The following FHL2 variants were observed in gnomAD, a reference collection of about 807,000 sequenced individuals.
FHL2 encodes the protein four and a half LIM domains 2.
In FHL2, 20 loss-of-function variants were observed where a neutral mutation model predicts 32.7. The observed-to-expected ratio is 0.61, with a 90% confidence interval of 0.43 to 0.89. The LOEUF is 0.89. Ranked by LOEUF, FHL2 falls within the 40% of genes least tolerant of loss-of-function variation. The pLI is 0.00. For synonymous variants in FHL2, 123 were observed against 128.1 expected, an observed-to-expected ratio of 0.96 and a Z score of 0.27; for missense variants, 311 against 358.6, an observed-to-expected ratio of 0.87 and a Z score of 1.07.
chr2:105,404,330 GAGTA>G (rs1377990127), intron 1 of FHL2, among the ~76,000 whole-genome samples: 1 of 152,300 alleles, frequency 6.6e-6, no homozygotes, highest in South Asian at 2.1e-4. Context: ...GTTGGAAGGT[GAGTA>G]AGTGTCTAAG....
At chr2:105,432,304 CT>C (rs1466054080) in intron 1 of FHL2, among the ~76,000 whole-genome samples, 17 of 152,220 alleles carry the variant, frequency 1.1e-4, no homozygotes, top group African/African-American at 3.9e-4. Flanking sequence ...GTCTCATGCA[CT>C]TTCCACATCT....
At chr2:105,388,294 A>C (rs1193411832) in intron 2 of FHL2, among the ~76,000 whole-genome samples, 1 of 152,168 alleles carries the variant, frequency 6.6e-6, no homozygotes, top group Non-Finnish European at 1.5e-5. Flanking sequence ...CATGCCCGGC[A>C]CACTGCATTT....
At chr2:105,420,008 T>C (rs1242991816) in intron 1 of FHL2, among the ~76,000 whole-genome samples, 2 of 152,132 alleles carry the variant, frequency 1.3e-5, no homozygotes. Context: ...AGAGGAGAAG[T>C]GACTGCTTGG....
intron 1 of FHL2, among the ~76,000 whole-genome samples, chr2:105,422,537 A>G (rs1485327725): frequency 3.3e-5 from 5 of 151,986 alleles, no homozygotes; most frequent in Admixed American, 6.6e-5. Flanking sequence ...ATAAGACATG[A>G]TCTACAAACT....
chr2:105,435,799 G>A (rs1309324743), intron 1 of FHL2, among the ~76,000 whole-genome samples: 2 of 152,178 alleles, frequency 1.3e-5, no homozygotes, highest in African/African-American at 4.8e-5. Context: ...TCCAGCCTGG[G>A]TGACAGAGTG....
At chr2:105,420,951 G>A (rs1039217828) in intron 1 of FHL2, among the ~76,000 whole-genome samples, 2 of 152,176 alleles carry the variant, frequency 1.3e-5, no homozygotes, top group African/African-American at 4.8e-5. Flanking sequence ...ATGGCCTGGG[G>A]ACTGGGGACC....
chr2:105,367,775 T>C (rs921040981), intron 4 of FHL2, 36 bp from the exon 5 acceptor site: 16 of 1,593,928 alleles, frequency 1.0e-5, no homozygotes, highest in Non-Finnish European at 1.3e-5. Context: ...AGCAGAGTTA[T>C]GGTTAGAGGG....
At position 105,386,445 on chromosome 2, in the gene FHL2, C is replaced by T. The variant is rs781170250; in HGVS notation, c.72G>A (p.Glu24=). Residue 24 remains glutamate, a synonymous_variant, in exon 3 of 7, where the codon GAG becomes GAA. Coordinates refer to ENST00000530340, the MANE Select transcript of FHL2 (RefSeq NM_001318895.3). The part of the protein sequence containing the change: ...LFGKKYILRE[E]SPYCVVCFET... Reference sequence around the variant, plus strand: ...CAAAGCACACCACGCAGTAGGGGCTCTCCTCCCGCAGGATGTACTTCTTGC... The same window carrying T: ...CAAAGCACACCACGCAGTAGGGGCTTTCCTCCCGCAGGATGTACTTCTTGC... 6.2e-7 allele frequency: 1 copy of T among 1,614,248 alleles called. No homozygotes were observed. The highest frequency in any genetic ancestry group is 1.3e-5 in the African/African-American group (1 of 75,070).
rs773356788 is a variant in FHL2, at chr2:105,367,697, G to T, written c.374C>A (p.Thr125Asn). ...CTGGCAGCGGTGGCAGATGAAGCAGGTCTCATGCCAGCTGCTGCCCTTGTA... is the reference window on the plus strand; with the variant it reads ...CTGGCAGCGGTGGCAGATGAAGCAGTTCTCATGCCAGCTGCTGCCCTTGTA... ...MEYKGSSWHE[T>N]CFICHRCQQP... Residue 125 changes from threonine (T) to asparagine (N), a missense_variant, in exon 5 of 7, where the codon ACC (threonine) becomes AAC (asparagine). By Grantham distance (65) the Thr-to-Asn change is moderately conservative. Transcript: ENST00000530340. The T allele has an allele frequency of 9.3e-6, 15 of 1,614,064 alleles. No homozygotes were observed. In the African/African-American group the frequency reaches 1.2e-4, roughly 13 times the overall value.
At chr2:105,386,756 CT>C (rs11380471) in intron 2 of FHL2, among the ~76,000 whole-genome samples, 52 of 48,962 alleles carry the variant, frequency 1.1e-3, no homozygotes, top group Admixed American at 2.1e-3. Flanking sequence ...ATGCATTCCA[CT>C]TTTTTTTTTT....
intron 1 of FHL2, among the ~76,000 whole-genome samples, chr2:105,427,404 T>G (rs924230885): frequency 6.6e-6 from 1 of 152,230 alleles, no homozygotes; most frequent in Non-Finnish European, 1.5e-5. Flanking sequence ...ACCCGGAGCT[T>G]GAAACACTTC....
At chr2:105,361,831 GT>G (rs1454990930) in intron 6 of FHL2, among the ~76,000 whole-genome samples, 1 of 152,172 alleles carries the variant, frequency 6.6e-6, no homozygotes, top group Non-Finnish European at 1.5e-5. Flanking sequence ...TGAAGGGAGT[GT>G]AGAAGAGGAA....
At chr2:105,363,544 TG>T in intron 5 of FHL2, 73 bp from the exon 6 acceptor site, 2 of 1,372,016 alleles carry the variant, frequency 1.5e-6, no homozygotes, top group South Asian at 2.8e-5. Flanking sequence ...CTACTGCCAC[TG>T]GACGATGCAA....
Position 105,435,167 on chromosome 2 carries a change from C to T in FHL2, c.-25+3232G>A, listed in dbSNP as rs188873071. 4.0e-4 allele frequency among the ~76,000 whole-genome samples: 60 copies of T among 151,706 alleles called. 1 individual carries two copies. The East Asian group carries it at 0.011, about 28-fold the overall frequency. On this transcript the variant is annotated intron_variant, in intron 1 of 5. Transcript: ENST00000393352. Reference sequence around the variant, plus strand: ...AGTTTTAAAAATCAAAAGTTCTATGCAAACTTTATTTTTGATGGTTGCATA... The same window carrying T: ...AGTTTTAAAAATCAAAAGTTCTATGTAAACTTTATTTTTGATGGTTGCATA...
At chr2:105,402,209 ATGTATATATATGTG>A (rs1459749169), upstream of FHL2, among the ~76,000 whole-genome samples, 159 of 149,196 alleles carry the variant, frequency 1.1e-3, no homozygotes, top group African/African-American at 3.9e-3. Context: ...ATGTGTATAT[ATGTATATATATGTG>A]TGTATATATA....
chr2:105,363,461 G>A lies in FHL2; in HGVS notation c.512C>T (p.Thr171Met), dbSNP rs727504674. The A allele has an allele frequency of 1.5e-4, 238 of 1,608,320 alleles. No individual in the cohort carries two copies. The highest frequency in any genetic ancestry group is 1.9e-4 in the Non-Finnish European group (218 of 1,177,410). Reference sequence around the variant, plus strand: ...CTGCTCCCGGTAAGTGACCCCTCCCGTGGTGATGGGCTGCAGGGACGAGGG... The same window carrying A: ...CTGCTCCCGGTAAGTGACCCCTCCCATGGTGATGGGCTGCAGGGACGAGGG... ...QCVQCKKPIT[T>M]GGVTYREQPW... is the part of the protein sequence containing the mutation. The change falls in exon 6 of 7, where the codon ACG becomes ATG. Residue 171 changes from threonine to methionine, a missense_variant. Coordinates refer to ENST00000530340, the MANE Select transcript of FHL2 (RefSeq NM_001318895.3).
chr2:105,396,752 A>C, intron 1 of FHL2, 55 bp from the exon 2 acceptor site: 26 of 1,519,034 alleles, frequency 1.7e-5, no homozygotes, highest in Non-Finnish European at 2.3e-5. Flanking sequence ...AAGCGAACTC[A>C]GTATAATGCA....
intron 1 of FHL2, among the ~76,000 whole-genome samples, chr2:105,425,339 C>A (rs1684226653): frequency 6.6e-6 from 1 of 152,150 alleles, no homozygotes; most frequent in African/African-American, 2.4e-5. Context: ...AAACCAGGGG[C>A]ACAATGCACT....
At chr2:105,403,468 C>G (rs547784007), upstream of FHL2, among the ~76,000 whole-genome samples, 4 of 152,296 alleles carry the variant, frequency 2.6e-5, no homozygotes, top group East Asian at 3.9e-4. Flanking sequence ...TCCCGTCTCT[C>G]CTGTAGGTGG....
Sources: gnomAD v4.1 joint callset for allele counts (sites outside exome capture counted in the v4.1 genomes callset) on GRCh38, gnomAD v4.1.1 for gene constraint, MANE v1.5 for transcripts, NCBI Gene and HGNC (gene_info 2026-07-23, HGNC 2026-07-21) for gene names.